The following CKLF variants were observed in gnomAD, a reference collection of about 807,000 sequenced individuals.
The protein encoded by CKLF is chemokine like factor.
CKLF carries 16 observed loss-of-function variants against 12.9 expected under a neutral mutation model. The ratio of observed to expected loss-of-function variants is 1.24; its 90% CI spans 0.84 to 1.88. The LOEUF (loss-of-function observed/expected upper bound fraction) is 1.88. Ranked by LOEUF, CKLF falls within the 40% of genes most tolerant of loss-of-function variation. The pLI, the probability that CKLF is intolerant of heterozygous loss-of-function variation, is 0.00. For missense variants in CKLF, 172 were observed against 188.5 expected, an observed-to-expected ratio of 0.91 and a Z score of 0.51; for synonymous variants, 61 against 69.0, an observed-to-expected ratio of 0.88 and a Z score of 0.57.
In CKLF at chr16:66,560,796, T is replaced by TACACAC. The variant is rs1372034123; in HGVS notation, c.238-2325_238-2324insCACACA. 3.6e-5 allele frequency among the ~76,000 whole-genome samples: 4 copies of TACACAC among 110,546 alleles called. No individual in the cohort carries two copies. In the South Asian group the frequency reaches 1.2e-3, roughly 34 times the overall value. 72.5% of individuals were successfully genotyped at this position (110,546 alleles called of 152,430 possible). ...GGACACATTTAAACAGAAAGATAAG[T>TACACAC]ATACACACACACACACACACACACA... On this transcript the variant is annotated intron_variant, in intron 2 of 3. Coordinates refer to ENST00000264001, the MANE Select transcript of CKLF (RefSeq NM_016951.4).
At chr16:66,564,921 C>G (rs549080958) in intron 3 of CKLF, among the ~76,000 whole-genome samples, 1 of 152,112 alleles carries the variant, frequency 6.6e-6, no homozygotes, top group African/African-American at 2.4e-5. Context: ...ACACAGGAGA[C>G]ACAAGTGGAA....
chr16:66,565,662 T>C, intron 3 of CKLF: 1 of 549,550 alleles, frequency 1.8e-6, no homozygotes, highest in Non-Finnish European at 3.2e-6. Context: ...TTCTGCTCAC[T>C]TAAATTATCT....
Position 66,563,185 on chromosome 16 carries a change from C to G in CKLF, c.301C>G (p.Pro101Ala), listed in dbSNP as rs760835652. Reference protein sequence around the residue: ...MLIVSVLALIPETTTLTVGGG... With the variant: ...MLIVSVLALIAETTTLTVGGG... ...CATCGTATCTGTGTTGGCACTGATA[C>G]CAGAAACCACAACATTGACAGTTGG... The change falls in exon 3 of 4, where the codon CCA becomes GCA. Residue 101 changes from proline (P) to alanine (A), a missense_variant. Pro to Ala is a conservative substitution (Grantham distance 27). Transcript: ENST00000264001. The G allele has an allele frequency of 2.5e-6, 4 of 1,613,944 alleles. No homozygotes were observed. The highest frequency in any genetic ancestry group is 3.4e-6 in the Non-Finnish European group (4 of 1,179,988).
chr16:66,552,620 C>T lies in CKLF; in HGVS notation c.-96C>T, dbSNP rs1282950950. ...CGAGAAGTAGGGGAGGGCGGTGCTC[C>T]GCCGCGGTGGCGGTTGCTATCGCTT... On this transcript the variant is annotated 5_prime_UTR_variant, in exon 1 of 4. Coordinates refer to ENST00000264001, the MANE Select transcript of CKLF (RefSeq NM_016951.4). 1 of 1,588,466 alleles carries T rather than the reference C, an allele frequency of 6.3e-7. No individual in the cohort carries two copies. Among genetic ancestry groups the T allele is most frequent in the African/African-American group, 1.3e-5 (1 of 74,594 alleles).
At chr16:66,553,503 G>A (rs1255460359) in intron 1 of CKLF, 2 of 152,208 alleles carry the variant, frequency 1.3e-5, no homozygotes, top group African/African-American at 4.8e-5. Context: ...TGATCATTTG[G>A]AGAGAAGTGA....
At chr16:66,564,159 C>CT (rs2011959507) in intron 3 of CKLF, among the ~76,000 whole-genome samples, 1 of 152,184 alleles carries the variant, frequency 6.6e-6, no homozygotes, top group African/African-American at 2.4e-5. Context: ...CTTTCATTCA[C>CT]TTTTTTACTC....
chr16:66,552,871 G>C (rs1190576483), intron 1 of CKLF, 78 bp downstream of exon 1: 64 of 1,601,044 alleles, frequency 4.0e-5, no homozygotes, highest in Non-Finnish European at 2.6e-6. Context: ...GTGCAAAGCT[G>C]AACGCCTGTT....
chr16:66,552,641 C>G lies in CKLF; in HGVS notation c.-75C>G. 1 of 1,607,004 alleles carries G rather than the reference C, an allele frequency of 6.2e-7. No individual in the cohort carries two copies. Among genetic ancestry groups the G allele is most frequent in the Non-Finnish European group, 8.5e-7 (1 of 1,174,520 alleles). ...GCTCCGCCGCGGTGGCGGTTGCTAT[C>G]GCTTCGCAGAACCTACTCAGGCAGC... On this transcript the variant is annotated 5_prime_UTR_variant, in exon 1 of 4. The change creates a new upstream start codon in the 5' untranslated region. Coordinates refer to ENST00000264001, the MANE Select transcript of CKLF (RefSeq NM_016951.4).
Position 66,554,423 on chromosome 16 carries a change from T to C in CKLF, c.78+1630T>C, listed in dbSNP as rs778216822. Among the ~76,000 whole-genome samples, 8 of 152,294 alleles carry C rather than the reference T, an allele frequency of 5.3e-5. No homozygotes were observed. The South Asian group carries it at 6.2e-4, about 12-fold the overall frequency. On this transcript the variant is annotated intron_variant, in intron 1 of 3. Transcript: ENST00000264001. ...ATAGCACAATTGATGCAGAGAAATA[T>C]AAGAAGTTGAGTGTTACCTCATTTA...
At position 66,558,208 on chromosome 16, in the gene CKLF, A is replaced by G. The variant is rs754840375; in HGVS notation, c.97A>G (p.Met33Val). 19 of 1,612,202 alleles carry G rather than the reference A, an allele frequency of 1.2e-5. No homozygotes were observed. The highest frequency in any genetic ancestry group is 1.2e-5 in the Non-Finnish European group (14 of 1,179,680). The change falls in exon 2 of 4, where the codon ATG (methionine) becomes GTG (valine). Residue 33 changes from methionine to valine, a missense_variant. Transcript: ENST00000264001. ...MLRLALTVTS[M>V]TFFIIAQAPE... ...CTTCTAGGCACTAACTGTGACATCT[A>G]TGACCTTTTTTATCATCGCACAAGC...
chr16:66,564,343 C>T (rs1425469359), intron 3 of CKLF, among the ~76,000 whole-genome samples: 2 of 152,088 alleles, frequency 1.3e-5, no homozygotes, highest in African/African-American at 4.8e-5. Context: ...CATTTAATTT[C>T]AAAGATTTAT....
chr16:66,557,100 G>C (rs2011478525), intron 1 of CKLF, among the ~76,000 whole-genome samples: 1 of 152,016 alleles, frequency 6.6e-6, no homozygotes, highest in Middle Eastern at 3.2e-3. Flanking sequence ...CATTGTTTAG[G>C]TGGGGTGTGT....
Position 66,552,603 on chromosome 16 carries a change from A to G in CKLF, c.-113A>G, listed in dbSNP as rs1965846618. The G allele has an allele frequency of 1.3e-6, 2 of 1,526,788 alleles. No individual in the cohort carries two copies. Among genetic ancestry groups the G allele is most frequent in the Non-Finnish European group, 1.8e-6 (2 of 1,110,492 alleles). The allele number at this position is 1,526,788 out of a possible 1,614,324, so 94.6% of individuals were successfully genotyped here. On this transcript the variant is annotated 5_prime_UTR_variant, in exon 1 of 4. Transcript: ENST00000264001. Reference sequence around the variant, plus strand: ...CGGGAAGCCGAGCTGGGCGAGAAGTAGGGGAGGGCGGTGCTCCGCCGCGGT... The same window carrying G: ...CGGGAAGCCGAGCTGGGCGAGAAGTGGGGGAGGGCGGTGCTCCGCCGCGGT...
intron 3 of CKLF, 101 bp from the exon 4 acceptor site, chr16:66,565,785 C>T: frequency 9.4e-7 from 1 of 1,062,034 alleles, no homozygotes; most frequent in South Asian, 1.3e-5. Flanking sequence ...ATCCGAGTAC[C>T]CTAGCAAGAG....
intron 3 of CKLF, chr16:66,565,559 C>A: frequency 3.7e-6 from 1 of 266,936 alleles, no homozygotes. Context: ...AACTAAATAT[C>A]CTCAGTAGGG....
At chr16:66,560,433 G>A (rs1030512109) in intron 2 of CKLF, among the ~76,000 whole-genome samples, 7 of 152,120 alleles carry the variant, frequency 4.6e-5, no homozygotes, top group African/African-American at 1.4e-4. Context: ...TACTGAGAGA[G>A]GAAGAATATG....
At chr16:66,563,338 T>C in intron 3 of CKLF, 121 bp downstream of exon 3, 2 of 1,137,594 alleles carry the variant, frequency 1.8e-6, no homozygotes, top group East Asian at 5.2e-5. Flanking sequence ...TAGGCCAATA[T>C]ACAATGCCTA....
At chr16:66,560,814 C>CAT (rs1186739824) in intron 2 of CKLF, among the ~76,000 whole-genome samples, 4 of 149,470 alleles carry the variant, frequency 2.7e-5, no homozygotes, top group Non-Finnish European at 5.9e-5. Context: ...CACACACACA[C>CAT]ACACACACAC....
chr16:66,559,286 CA>C (rs1477863379), intron 2 of CKLF, among the ~76,000 whole-genome samples: 1 of 152,202 alleles, frequency 6.6e-6, no homozygotes, highest in South Asian at 2.1e-4. Context: ...CTTCTGGAAC[CA>C]CCTTCAAGGC....
Sources: allele counts gnomAD v4.1 joint callset (sites outside exome capture counted in the v4.1 genomes callset), GRCh38; gene constraint gnomAD v4.1.1; transcripts MANE v1.5; gene names NCBI Gene and HGNC (gene_info 2026-07-23, HGNC 2026-07-21).